Variants in ANOS1 observed in about 807,000 individuals in gnomAD.
The protein encoded by ANOS1 is anosmin-1.
Under a neutral mutation model 59.0 loss-of-function variants are expected in ANOS1, and 6 were observed. The observed-to-expected ratio is 0.10, with a 90% confidence interval of 0.06 to 0.20. ANOS1 has a LOEUF of 0.20. Among genes scored for constraint, ANOS1 ranks in the 10% least tolerant of loss-of-function variants. The probability of loss-of-function intolerance (pLI) is 1.00; values close to 1 mark genes in which losing one functional copy is unlikely to be tolerated. For missense variants in ANOS1, 433 were observed against 542.3 expected (o/e 0.80, Z 2.00); for synonymous variants, 217 against 223.4 (o/e 0.97, Z 0.25).
chrX:8,715,763 C>T (rs1261068417), intron 1 of ANOS1, among the ~76,000 whole-genome samples: 1 of 110,999 alleles, frequency 9.0e-6, no homozygotes, highest in Non-Finnish European at 1.9e-5. Context: ...TCCAGGGTTA[C>T]ATACTATTCA....
intron 8 of ANOS1, among the ~76,000 whole-genome samples, chrX:8,561,810 A>G (rs755343603): frequency 1.8e-5 from 2 of 111,651 alleles, no homozygotes; most frequent in South Asian, 7.5e-4. Flanking sequence ...TTGAGAACTC[A>G]CCAGCAGATA....
chrX:8,556,414 T>C (rs1342945849), intron 8 of ANOS1, among the ~76,000 whole-genome samples: 20 of 112,082 alleles, frequency 1.8e-4, no homozygotes, highest in African/African-American at 5.8e-4. Flanking sequence ...GATGACATGA[T>C]TGTATATTTA....
At chrX:8,697,650 C>T (rs763674690) in intron 2 of ANOS1, among the ~76,000 whole-genome samples, 70 of 111,991 alleles carry the variant, frequency 6.3e-4, no homozygotes, top group Admixed American at 1.7e-3. Flanking sequence ...TTATGCAAAC[C>T]TAATCTTTTA....
At position 8,585,537 on chromosome X, in the gene ANOS1, G is replaced by A. The variant is rs975772382; in HGVS notation, c.727-141C>T. On this transcript the variant is annotated intron_variant, in intron 5 of 13. Coordinates refer to ENST00000262648, the MANE Select transcript of ANOS1 (RefSeq NM_000216.4). ...CCCCCTGATAAGAGGGGCTTATCATGCCCAGTTATGAAGAGAGCTGTCAGG... is the reference window on the plus strand; with the variant it reads ...CCCCCTGATAAGAGGGGCTTATCATACCCAGTTATGAAGAGAGCTGTCAGG... 32 of 631,596 alleles carry A rather than the reference G, an allele frequency of 5.1e-5. No individual in the cohort carries two copies. In the African/African-American group the frequency reaches 6.3e-4, roughly 12 times the overall value. The allele number at this position is 631,596 out of a possible 1,213,427, so 52.1% of individuals were successfully genotyped here. A position where few individuals can be genotyped will look rare whatever the true frequency, so the allele number is the denominator to read the frequency against.
rs775840330 is a variant in ANOS1 at position 8,609,950 on chromosome X, T to A, written c.319-12694A>T. On this transcript the variant is annotated intron_variant, in intron 3 of 13. Transcript: ENST00000262648. ...TGAACCCGGGAGGCGGAGCTTGCAG[T>A]GAGCCCAGATTGTACCACTGCACTC... 6.7e-5 allele frequency among the ~76,000 whole-genome samples: 6 copies of A among 89,971 alleles called. No individual in the cohort carries two copies. The South Asian group carries it at 2.8e-3, about 42-fold the overall frequency. The allele number at this position is 89,971 out of a possible 115,157, so 78.1% of individuals were successfully genotyped here.
At chrX:8,598,536 T>C (rs1022437967) in intron 3 of ANOS1, among the ~76,000 whole-genome samples, 1 of 111,267 alleles carries the variant, frequency 9.0e-6, no homozygotes, top group Non-Finnish European at 1.9e-5. Flanking sequence ...TGCTCTCCTT[T>C]TTCCTATGGA....
intron 9 of ANOS1, among the ~76,000 whole-genome samples, chrX:8,544,751 AC>A (rs1929739636): frequency 9.0e-6 from 1 of 110,526 alleles, no homozygotes; most frequent in African/African-American, 3.3e-5. Flanking sequence ...CCGCATCTCT[AC>A]AAAAAATATA....
intron 6 of ANOS1, among the ~76,000 whole-genome samples, chrX:8,579,488 C>T (rs1930384847): frequency 8.9e-6 from 1 of 112,407 alleles, no homozygotes; most frequent in Admixed American, 9.4e-5. Flanking sequence ...ACATTTTATT[C>T]ATGAAACTAT....
In ANOS1 at chrX:8,653,629, C is replaced by T. The variant is rs183726476; in HGVS notation, c.256-29959G>A. 2.2e-3 allele frequency among the ~76,000 whole-genome samples: 242 copies of T among 111,681 alleles called. 1 individual carries two copies. Among genetic ancestry groups the T allele is most frequent in the African/African-American group, 7.0e-3 (216 of 30,717 alleles). On this transcript the variant is annotated intron_variant, in intron 2 of 13. Transcript: ENST00000262648. Reference sequence around the variant, plus strand: ...CACATGACCTTTTTACCTTACTTGTCGGAAAATAAACACCCTCCTCAAACC... The same window carrying T: ...CACATGACCTTTTTACCTTACTTGTTGGAAAATAAACACCCTCCTCAAACC...
intron 9 of ANOS1, 107 bp downstream of exon 9, chrX:8,553,845 T>G (rs1054624739): frequency 1.3e-5 from 9 of 697,307 alleles, no homozygotes; most frequent in Non-Finnish European, 2.0e-5. Context: ...CAACAACCGT[T>G]TGCCTTAGTA....
chrX:8,632,932 GT>G (rs750002383), intron 2 of ANOS1, among the ~76,000 whole-genome samples: 73 of 111,407 alleles, frequency 6.6e-4, no homozygotes, highest in African/African-American at 2.3e-3. Context: ...GATGAAAGCT[GT>G]TTTTTTCTCC....
intron 4 of ANOS1, among the ~76,000 whole-genome samples, chrX:8,592,619 T>C (rs946197282): frequency 1.1e-4 from 12 of 110,966 alleles, no homozygotes; most frequent in Middle Eastern, 4.2e-3. Flanking sequence ...GGAGGAAAGA[T>C]TGTCTCACCA....
intron 3 of ANOS1, among the ~76,000 whole-genome samples, chrX:8,604,222 G>A (rs900397845): frequency 2.7e-5 from 3 of 111,501 alleles, no homozygotes; most frequent in African/African-American, 9.8e-5. Context: ...TCACCCAGTG[G>A]CTCTCAGCTT....
intron 8 of ANOS1, chrX:8,566,069 G>A (rs1930106680): frequency 2.7e-6 from 2 of 752,655 alleles, no homozygotes; most frequent in Admixed American, 8.7e-5. Context: ...ACTCATCCAC[G>A]CTGCTGCGTT....
At chrX:8,686,938 A>C (rs769229246) in intron 2 of ANOS1, among the ~76,000 whole-genome samples, 2 of 111,726 alleles carry the variant, frequency 1.8e-5, no homozygotes, top group Admixed American at 9.5e-5. Flanking sequence ...TGGGAGACAG[A>C]GCCAGACTTC....
At chrX:8,568,101 T>C in intron 8 of ANOS1, 131 bp downstream of exon 8, 1 of 628,016 alleles carries the variant, frequency 1.6e-6, no homozygotes. Flanking sequence ...TTTAGTCACA[T>C]GCATGTGGGT....
At chrX:8,643,370 T>TA (rs1279486194) in intron 2 of ANOS1, among the ~76,000 whole-genome samples, 1 of 111,646 alleles carries the variant, frequency 9.0e-6, no homozygotes, top group African/African-American at 3.3e-5. Flanking sequence ...CATTTTGTGT[T>TA]ATGCTGTTGT....
chrX:8,610,790 C>G (rs5978921), intron 3 of ANOS1, among the ~76,000 whole-genome samples: 7,748 of 110,613 alleles, frequency 0.07, 728 homozygotes, highest in African/African-American at 0.24. Flanking sequence ...GAACCCGCCC[C>G]CAAGAAAGCT....
chrX:8,709,930 A>C (rs747645617), intron 1 of ANOS1, among the ~76,000 whole-genome samples: 23 of 109,755 alleles, frequency 2.1e-4, no homozygotes, highest in African/African-American at 6.6e-4. Context: ...GTTATCTTAT[A>C]ATTTTTTTTT....
Sources: gnomAD v4.1 joint callset for allele counts (sites outside exome capture counted in the v4.1 genomes callset) on GRCh38, gnomAD v4.1.1 for gene constraint, MANE v1.5 for transcripts, NCBI Gene and HGNC (gene_info 2026-07-23, HGNC 2026-07-21) for gene names.